Variants in SPECC1 observed in about 807,000 individuals in gnomAD.
The protein encoded by SPECC1 is sperm antigen with calponin homology and coiled-coil domains 1.
Under a neutral mutation model 104.1 loss-of-function variants are expected in SPECC1, and 62 were observed. The ratio of observed to expected loss-of-function variants is 0.60; its 90% confidence interval spans 0.49 to 0.74. The LOEUF (loss-of-function observed/expected upper bound fraction) is 0.74. SPECC1 is among the 30% of genes least tolerant of loss of function. SPECC1 has a pLI of 0.00. For missense variants in SPECC1, 1,306 were observed against 1,310.5 expected, an observed-to-expected ratio of 1.00 and a Z score of 0.05; for synonymous variants, 513 against 501.6, an observed-to-expected ratio of 1.02 and a Z score of -0.30.
At chr17:20,154,230 T>A in intron 3 of SPECC1, among the ~76,000 whole-genome samples, 1 of 152,188 alleles carries the variant, frequency 6.6e-6, no homozygotes, top group East Asian at 1.9e-4. Flanking sequence ...AGTAAACATG[T>A]AGTATATGGA....
chr17:20,170,551 C>T (rs988879472), intron 3 of SPECC1, among the ~76,000 whole-genome samples: 1 of 152,142 alleles, frequency 6.6e-6, no homozygotes, highest in African/African-American at 2.4e-5. Flanking sequence ...TCACTGGGAC[C>T]TTGCCCACCC....
intron 3 of SPECC1, among the ~76,000 whole-genome samples, chr17:20,143,114 A>G (rs1199670598): frequency 6.6e-6 from 1 of 151,756 alleles, no homozygotes; most frequent in African/African-American, 2.4e-5. Context: ...AAGTTAAAGT[A>G]CTATCTGAAA....
intron 1 of SPECC1, among the ~76,000 whole-genome samples, chr17:20,077,474 T>G (rs2046804857): frequency 6.6e-6 from 1 of 152,096 alleles, no homozygotes; most frequent in Non-Finnish European, 1.5e-5. Flanking sequence ...TTGTTTTGTT[T>G]TTTTGTTTTT....
chr17:20,241,911 A>G (rs893213004), intron 7 of SPECC1, among the ~76,000 whole-genome samples: 3 of 152,224 alleles, frequency 2.0e-5, no homozygotes, highest in Non-Finnish European at 2.9e-5. Context: ...GCATAAAAGT[A>G]AAAAACTTCA....
intron 10 of SPECC1, among the ~76,000 whole-genome samples, chr17:20,256,348 A>G (rs2039830704): frequency 6.6e-6 from 1 of 152,172 alleles, no homozygotes; most frequent in African/African-American, 2.4e-5. Flanking sequence ...AGTGACAATT[A>G]CTTGCTTCTA....
At chr17:20,070,026 G>A (rs1179543157) in intron 1 of SPECC1, among the ~76,000 whole-genome samples, 9 of 151,932 alleles carry the variant, frequency 5.9e-5, no homozygotes, top group Non-Finnish European at 1.3e-4. Flanking sequence ...AATTCCTTAT[G>A]ATTTTATACA....
chr17:20,029,550 C>T (rs911707600), intron 1 of SPECC1, among the ~76,000 whole-genome samples: 11 of 152,110 alleles, frequency 7.2e-5, no homozygotes, highest in African/African-American at 2.7e-4. Flanking sequence ...TCTTCTGGGC[C>T]TGGGATTTTC....
chr17:20,056,167 T>C (rs1314054434), intron 1 of SPECC1: 1 of 152,248 alleles, frequency 6.6e-6, no homozygotes, highest in Non-Finnish European at 1.5e-5. Context: ...TTCCAAGAGA[T>C]ATCTGCTGTG....
rs923626590 is a variant in SPECC1, at chr17:20,314,790, G to A, written c.*725G>A. 6 of 228,648 alleles carry A rather than the reference G, an allele frequency of 2.6e-5. No individual in the cohort carries two copies. Among genetic ancestry groups the A allele is most frequent in the African/African-American group, 1.1e-4 (5 of 44,342 alleles). 14.2% of individuals were successfully genotyped at this position (228,648 alleles called of 1,614,324 possible). ...GCACTCAGCCTTTTGGGGAAAAATG[G>A]GAGTTCTAGGTAACAATGTTAACAC... On this transcript the variant is annotated 3_prime_UTR_variant, in exon 15 of 15. Transcript: ENST00000395527.
chr17:20,036,285 A>G (rs2045075732), intron 1 of SPECC1, among the ~76,000 whole-genome samples: 1 of 152,018 alleles, frequency 6.6e-6, no homozygotes, highest in Admixed American at 6.6e-5. Context: ...GCACGCCACC[A>G]CATCCTGCTA....
rs190429871 is a variant in SPECC1 at position 20,191,744 on chromosome 17, C to T, written c.284-12589C>T. Among the ~76,000 whole-genome samples, 189 of 151,898 alleles carry T rather than the reference C, an allele frequency of 1.2e-3. 1 individual carries two copies. Among genetic ancestry groups the T allele is most frequent in the African/African-American group, 3.8e-3 (159 of 41,406 alleles). On this transcript the variant is annotated intron_variant, in intron 3 of 14. Coordinates refer to ENST00000395527, the MANE Select transcript of SPECC1 (RefSeq NM_001243439.2). ...GCTCCTACTTATGAGAAAGAACATG[C>T]GATGTTTGGTTTTCTGTATATACCC... is the stretch of plus-strand genomic sequence containing the variant.
At chr17:20,052,409 G>T (rs540245445) in intron 1 of SPECC1, among the ~76,000 whole-genome samples, 1 of 152,246 alleles carries the variant, frequency 6.6e-6, no homozygotes, top group East Asian at 1.9e-4. Context: ...ACCTCTGAAA[G>T]GTCATACATC....
intron 3 of SPECC1, among the ~76,000 whole-genome samples, chr17:20,181,013 T>A (rs1436773769): frequency 2.6e-5 from 4 of 151,974 alleles, no homozygotes; most frequent in Non-Finnish European, 2.9e-5. Flanking sequence ...AAAAAAGAGA[T>A]GATTATAACA....
chr17:20,231,348 C>T (rs1291057116), intron 5 of SPECC1, among the ~76,000 whole-genome samples: 1 of 152,172 alleles, frequency 6.6e-6, no homozygotes, highest in Non-Finnish European at 1.5e-5. Flanking sequence ...AATAAGCATT[C>T]ATGTGCTCTG....
At chr17:20,277,111 G>C (rs752208058) in intron 12 of SPECC1, among the ~76,000 whole-genome samples, 13 of 152,272 alleles carry the variant, frequency 8.5e-5, no homozygotes, top group Non-Finnish European at 1.9e-4. Flanking sequence ...GATGGACAGA[G>C]AGGGACAGAT....
Position 20,206,018 on chromosome 17 carries a change from C to G in SPECC1, c.1863+106C>G. 5 of 1,434,806 alleles carry G rather than the reference C, an allele frequency of 3.5e-6. No individual in the cohort carries two copies. The South Asian group carries it at 6.9e-5, about 20-fold the overall frequency. 88.9% of individuals were successfully genotyped at this position (1,434,806 alleles called of 1,614,324 possible). ...AGAGAAGCATTTGCTTAGTCTGTTTCATTCACGAAGCCAGCATTCCAGCTT... is the reference window on the plus strand; with the variant it reads ...AGAGAAGCATTTGCTTAGTCTGTTTGATTCACGAAGCCAGCATTCCAGCTT... On this transcript the variant is annotated intron_variant, in intron 4 of 14. Transcript: ENST00000395527.
intron 10 of SPECC1, among the ~76,000 whole-genome samples, chr17:20,254,634 T>C (rs1189914288): frequency 6.6e-6 from 1 of 152,142 alleles, no homozygotes; most frequent in African/African-American, 2.4e-5. Context: ...TTAGAACCTA[T>C]GTATGTGTCT....
chr17:20,160,716 C>T (rs970772658), intron 3 of SPECC1, among the ~76,000 whole-genome samples: 3 of 152,094 alleles, frequency 2.0e-5, no homozygotes, highest in African/African-American at 7.2e-5. Context: ...TTTTTTGATG[C>T]ATTTCAATGA....
Position 20,205,642 on chromosome 17 carries a change from CATG to C in SPECC1, c.1597_1599del (p.Met533del). 1 of 1,614,166 alleles carries C rather than the reference CATG, an allele frequency of 6.2e-7. No homozygotes were observed. Among genetic ancestry groups the C allele is most frequent in the South Asian group, 1.1e-5 (1 of 91,086 alleles). ...TAGAACTGGAACGGCATAATAATAACATGATGGCCAAAACTTTGGAAGAGTGTA... is the reference window on the plus strand; with the variant it reads ...TAGAACTGGAACGGCATAATAATAACATGGCCAAAACTTTGGAAGAGTGTA... On this transcript the variant is annotated inframe_deletion, in exon 4 of 15. Coordinates refer to ENST00000395527, the MANE Select transcript of SPECC1 (RefSeq NM_001243439.2).
Sources: gnomAD v4.1 joint callset for allele counts (sites outside exome capture counted in the v4.1 genomes callset) on GRCh38, gnomAD v4.1.1 for gene constraint, MANE v1.5 for transcripts, NCBI Gene and HGNC (gene_info 2026-07-23, HGNC 2026-07-21) for gene names.